The following GALK2 variants were observed in gnomAD, a reference collection of about 807,000 sequenced individuals.
GALK2 encodes the protein galactokinase 2.
GALK2 carries 36 observed loss-of-function variants against 52.4 expected under a neutral mutation model. The observed-to-expected ratio is 0.69, with a 90% confidence interval of 0.53 to 0.91. The LOEUF (loss-of-function observed/expected upper bound fraction) is 0.91, where lower values mean the gene tolerates loss of function less well. Ranked by LOEUF, GALK2 falls within the 40% of genes least tolerant of loss-of-function variation. GALK2 has a pLI of 0.00. For synonymous variants in GALK2, 176 were observed against 199.1 expected (o/e 0.88, Z 0.98); for missense variants, 579 against 559.1 (o/e 1.04, Z -0.36).
chr15:49,206,266 A>T (rs1352046567), intron 2 of GALK2, among the ~76,000 whole-genome samples: 1 of 151,194 alleles, frequency 6.6e-6, no homozygotes, highest in African/African-American at 2.4e-5. Context: ...TATTATTATT[A>T]TACTTTTTTT....
intron 5 of GALK2, among the ~76,000 whole-genome samples, chr15:49,255,711 C>T (rs543076596): frequency 6.9e-4 from 105 of 151,872 alleles, no homozygotes; most frequent in African/African-American, 2.4e-3. Flanking sequence ...ATATGAATTC[C>T]CCTTTATAAA....
chr15:49,359,223 A>C (rs1179233986), intron 3 of GALK2, among the ~76,000 whole-genome samples: 23 of 143,856 alleles, frequency 1.6e-4, no homozygotes, highest in Non-Finnish European at 3.2e-4. Flanking sequence ...GCAACAAAAG[A>C]CAAAATTGAC....
intron 3 of GALK2, among the ~76,000 whole-genome samples, chr15:49,348,303 T>G (rs2041814546): frequency 6.6e-6 from 1 of 152,178 alleles, no homozygotes; most frequent in South Asian, 2.1e-4. Context: ...AACTTCGGGT[T>G]TGCTTTGCAA....
chr15:49,182,331 C>G (rs1035508346), intron 1 of GALK2, among the ~76,000 whole-genome samples: 1 of 152,212 alleles, frequency 6.6e-6, no homozygotes, highest in African/African-American at 2.4e-5. Flanking sequence ...GGATCTCATT[C>G]TTTTTTACGG....
At position 49,276,970 on chromosome 15, in the gene GALK2, C is replaced by CTTT. The variant is rs1233754984; in HGVS notation, c.505-5002_505-5000dup. Among the ~76,000 whole-genome samples, 140 of 28,320 alleles carry CTTT rather than the reference C, an allele frequency of 4.9e-3. 3 individuals carry two copies. The highest frequency in any genetic ancestry group is 0.011 in the African/African-American group (87 of 8,088). The allele number at this position is 28,320 out of a possible 152,430, so 18.6% of individuals were successfully genotyped here. On this transcript the variant is annotated intron_variant, in intron 5 of 9. Coordinates refer to ENST00000560031, the MANE Select transcript of GALK2 (RefSeq NM_002044.4). ...TGTTTCTAGTTTCTTTTTTTCTTTT[C>CTTT]TTTTTTTTTTTTTTTTTGAGACAGA...
chr15:49,293,805 A>G (rs1193750219), intron 8 of GALK2, among the ~76,000 whole-genome samples: 2 of 152,134 alleles, frequency 1.3e-5, no homozygotes, highest in Non-Finnish European at 2.9e-5. Context: ...CAAAGAAGTC[A>G]AAGCCAGCTT....
chr15:49,255,353 A>G (rs2091770944), intron 5 of GALK2, among the ~76,000 whole-genome samples: 1 of 142,622 alleles, frequency 7.0e-6, no homozygotes, highest in Non-Finnish European at 1.6e-5. Flanking sequence ...ATTGGATTTA[A>G]TTAATATCAT....
chr15:49,270,728 C>T (rs902421087), intron 5 of GALK2, among the ~76,000 whole-genome samples: 6 of 152,122 alleles, frequency 3.9e-5, no homozygotes, highest in African/African-American at 1.2e-4. Context: ...TTGGTTGACT[C>T]GGATTATGAT....
chr15:49,256,264 C>T (rs972462060), intron 5 of GALK2, among the ~76,000 whole-genome samples: 1 of 152,152 alleles, frequency 6.6e-6, no homozygotes, highest in African/African-American at 2.4e-5. Flanking sequence ...AGAGGCTGAT[C>T]AGTAGTATAT....
intron 8 of GALK2, among the ~76,000 whole-genome samples, chr15:49,313,908 TA>T (rs1429613347): frequency 1.3e-5 from 2 of 151,962 alleles, no homozygotes; most frequent in Non-Finnish European, 2.9e-5. Context: ...GATGAGGTAA[TA>T]AAGAAGAGGC....
chr15:49,168,788 T>A (rs111302585), upstream of GALK2, among the ~76,000 whole-genome samples: 183 of 129,046 alleles, frequency 1.4e-3, 5 homozygotes, highest in South Asian at 0.033. Flanking sequence ...CATTTTTTTT[T>A]AAAATTTAGG....
intron 5 of GALK2, among the ~76,000 whole-genome samples, chr15:49,255,669 C>T (rs1372695330): frequency 6.6e-6 from 1 of 151,902 alleles, no homozygotes; most frequent in Non-Finnish European, 1.5e-5. Flanking sequence ...GATCTGCTGT[C>T]TATCAAAATA....
intron 8 of GALK2, among the ~76,000 whole-genome samples, chr15:49,295,479 G>C (rs140756828): frequency 1.3e-3 from 198 of 152,226 alleles, no homozygotes; most frequent in African/African-American, 4.3e-3. Flanking sequence ...TGTTGAAAAG[G>C]TGAGAAAGTC....
Position 49,329,423 on chromosome 15 carries a change from A to C in GALK2, c.*1264A>C, listed in dbSNP as rs542311505. 13 of 984,944 alleles carry C rather than the reference A, an allele frequency of 1.3e-5. No individual in the cohort carries two copies. The East Asian group carries it at 1.4e-3, about 103-fold the overall frequency. The allele number at this position is 984,944 out of a possible 1,614,324, so 61.0% of individuals were successfully genotyped here. ...GGCATGAATTATCCAAAAAAATATC[A>C]GAATTACTTATTATTCTGTGATTTC... On this transcript the variant is annotated 3_prime_UTR_variant, in exon 10 of 10. Coordinates refer to ENST00000560031, the MANE Select transcript of GALK2 (RefSeq NM_002044.4).
chr15:49,348,646 G>A (rs1352887124), intron 3 of GALK2, among the ~76,000 whole-genome samples: 1 of 152,082 alleles, frequency 6.6e-6, no homozygotes, highest in African/African-American at 2.4e-5. Context: ...TTTCTCCTTT[G>A]TCTGCCCACC....
chr15:49,222,934 T>G (rs765949946), intron 3 of GALK2, among the ~76,000 whole-genome samples: 3 of 152,220 alleles, frequency 2.0e-5, no homozygotes, highest in Non-Finnish European at 2.9e-5. Flanking sequence ...TCTCTTCAAT[T>G]CATTGGAATT....
intron 3 of GALK2, among the ~76,000 whole-genome samples, chr15:49,353,021 T>C (rs2042482592): frequency 6.6e-6 from 1 of 152,204 alleles, no homozygotes; most frequent in African/African-American, 2.4e-5. Flanking sequence ...AAAAACAGTG[T>C]CTAAGCATTC....
chr15:49,235,985 T>C (rs776450409), intron 4 of GALK2, 44 bp downstream of exon 4: 4 of 1,076,282 alleles, frequency 3.7e-6, no homozygotes, highest in Admixed American at 1.7e-5. Context: ...GAGATTATCA[T>C]GTGTATTCTG....
chr15:49,192,438 G>A (rs890902054), intron 1 of GALK2, among the ~76,000 whole-genome samples: 1 of 141,142 alleles, frequency 7.1e-6, no homozygotes, highest in East Asian at 2.1e-4. Flanking sequence ...ATTGTTTCCA[G>A]TATTTTGCGA....
Sources: allele counts gnomAD v4.1 joint callset (sites outside exome capture counted in the v4.1 genomes callset), GRCh38; gene constraint gnomAD v4.1.1; transcripts MANE v1.5; gene names NCBI Gene and HGNC (gene_info 2026-07-23, HGNC 2026-07-21).